Variants in COL6A6 observed in about 807,000 individuals in gnomAD.
The protein encoded by COL6A6 is collagen alpha-6(VI) chain.
COL6A6 carries 183 observed loss-of-function variants against 208.6 expected under a neutral mutation model. That is an observed-to-expected ratio of 0.88 (90% confidence interval 0.78 to 0.99). COL6A6 has a LOEUF of 0.99. Ranked by LOEUF, COL6A6 falls within the 50% of genes least tolerant of loss-of-function variation. The probability of loss-of-function intolerance (pLI) is 0.00; values close to 1 mark genes in which losing one functional copy is unlikely to be tolerated. For synonymous variants in COL6A6, 973 were observed against 1,011.8 expected, an observed-to-expected ratio of 0.96 and a Z score of 0.73; for missense variants, 2,816 against 2,815.2, an observed-to-expected ratio of 1.00 and a Z score of -0.01.
At chr3:130,620,184 T>C (rs74408763) in intron 23 of COL6A6, among the ~76,000 whole-genome samples, 4,620 of 152,044 alleles carry the variant, frequency 0.03, 257 homozygotes, top group African/African-American at 0.1. Context: ...TGGTGTTCAG[T>C]TGAGTGGTTG....
At chr3:130,609,370 C>T (rs1266492123) in intron 22 of COL6A6, among the ~76,000 whole-genome samples, 4 of 152,134 alleles carry the variant, frequency 2.6e-5, no homozygotes, top group Non-Finnish European at 4.4e-5. Flanking sequence ...AAGAATTGCT[C>T]GAAAGACAGC....
intron 7 of COL6A6, 62 bp from the exon 8 acceptor site, chr3:130,573,894 C>T: frequency 8.1e-7 from 1 of 1,229,484 alleles, no homozygotes; most frequent in Non-Finnish European, 1.2e-6. Flanking sequence ...TGAATTTACT[C>T]TTGGTGGATT....
chr3:130,674,225 G>C (rs375588588), intron 36 of COL6A6, among the ~76,000 whole-genome samples: 1 of 152,090 alleles, frequency 6.6e-6, no homozygotes, highest in South Asian at 2.1e-4. Context: ...AGCTATATGT[G>C]GTTAATTAAA....
intron 1 of COL6A6, among the ~76,000 whole-genome samples, chr3:130,545,676 C>CAA (rs1330813881): frequency 1.3e-5 from 2 of 152,184 alleles, no homozygotes; most frequent in African/African-American, 4.8e-5. Flanking sequence ...AGGCTAGTCT[C>CAA]AAACTCCTGA....
At chr3:130,610,910 T>C (rs987051827) in intron 23 of COL6A6, among the ~76,000 whole-genome samples, 199 bp downstream of exon 23, 2 of 152,026 alleles carry the variant, frequency 1.3e-5, no homozygotes, top group African/African-American at 2.4e-5. Context: ...GACACAGAGG[T>C]AGAAAATCTA....
intron 1 of COL6A6, among the ~76,000 whole-genome samples, chr3:130,552,252 A>G (rs961299551): frequency 6.6e-6 from 1 of 152,150 alleles, no homozygotes; most frequent in Non-Finnish European, 1.5e-5. Context: ...GTCTCCTACT[A>G]TTATTGCGTG....
chr3:130,526,591 C>T (rs965828187), intron 1 of COL6A6, among the ~76,000 whole-genome samples: 11 of 152,082 alleles, frequency 7.2e-5, no homozygotes, highest in African/African-American at 2.2e-4. Context: ...GCAGTAGTTC[C>T]GCCAAGAAGT....
chr3:130,561,123 A>G (rs1383715009), intron 2 of COL6A6, among the ~76,000 whole-genome samples: 2 of 152,160 alleles, frequency 1.3e-5, no homozygotes, highest in Non-Finnish European at 2.9e-5. Flanking sequence ...TTTTTCCTCC[A>G]TTGTTTCATG....
chr3:130,571,660 GT>G (rs1223461818), intron 7 of COL6A6, among the ~76,000 whole-genome samples: 1 of 151,124 alleles, frequency 6.6e-6, no homozygotes, highest in East Asian at 1.9e-4. Flanking sequence ...TTCAAAAGTT[GT>G]TTTGTTTTGT....
intron 1 of COL6A6, among the ~76,000 whole-genome samples, chr3:130,531,093 C>T (rs975704820): frequency 6.0e-5 from 9 of 149,742 alleles, no homozygotes; most frequent in African/African-American, 1.7e-4. Flanking sequence ...CTCTCTCTGC[C>T]ACTCACACAT....
rs1461496050 is a variant in COL6A6 at position 130,593,109 on chromosome 3, G to A, written c.4416+4G>A. The A allele has an allele frequency of 1.2e-6, 2 of 1,613,488 alleles. No homozygotes were observed. Among genetic ancestry groups the A allele is most frequent in the Non-Finnish European group, 1.7e-6 (2 of 1,179,462 alleles). On this transcript the variant is annotated splice_donor_region_variant and intron_variant, in intron 16 of 36. Coordinates refer to ENST00000358511, the MANE Select transcript of COL6A6 (RefSeq NM_001102608.3). Reference sequence around the variant, plus strand: ...TGACGGATTAAACGGAGAACAGGTAGAGCCTTCTTGTACCATAGAGACCCT... The same window carrying A: ...TGACGGATTAAACGGAGAACAGGTAAAGCCTTCTTGTACCATAGAGACCCT...
intron 20 of COL6A6, among the ~76,000 whole-genome samples, chr3:130,602,835 G>A (rs906248543): frequency 2.6e-5 from 4 of 152,156 alleles, no homozygotes; most frequent in African/African-American, 7.2e-5. Flanking sequence ...GAGGAGTTGG[G>A]TGATTTAAAA....
In COL6A6 at chr3:130,565,600, A is replaced by C. The variant is rs777130542; in HGVS notation, c.1268A>C (p.Glu423Ala). 1.2e-6 allele frequency: 2 copies of C among 1,611,806 alleles called. No homozygotes were observed. Among genetic ancestry groups the C allele is most frequent in the Non-Finnish European group, 1.7e-6 (2 of 1,178,884 alleles). ...GTCTCTGTCTTTTCAGAGAGGACTG[A>C]AACGCTCAAATCTGGTAAGGTCTTC... ...HTVSVFSERT[E>A]TLKSGCVDTE... Residue 423 changes from glutamate to alanine, a missense_variant, in exon 4 of 37, where the codon GAA (glutamate) becomes GCA (alanine). Coordinates refer to ENST00000358511, the MANE Select transcript of COL6A6 (RefSeq NM_001102608.3).
chr3:130,620,145 G>T (rs1337321134), intron 23 of COL6A6, among the ~76,000 whole-genome samples: 2 of 152,114 alleles, frequency 1.3e-5, no homozygotes, highest in South Asian at 4.1e-4. Flanking sequence ...GAGGCTTGCT[G>T]TGTTACTCAG....
At chr3:130,641,531 A>G in intron 28 of COL6A6, 121 bp from the exon 29 acceptor site, 1 of 483,510 alleles carries the variant, frequency 2.1e-6, no homozygotes, top group Non-Finnish European at 3.5e-6. Flanking sequence ...ATTTTCTAAA[A>G]TAAAAGTGAA....
At chr3:130,627,448 A>T (rs780033705) in intron 26 of COL6A6, 79 bp downstream of exon 26, 56 of 1,295,002 alleles carry the variant, frequency 4.3e-5, no homozygotes, top group Non-Finnish European at 6.0e-5. Context: ...TTAAGAGAAA[A>T]AGGGAAGCAG....
rs775730396 is a variant in COL6A6, at chr3:130,560,332, A to G, written c.-31-2A>G. On this transcript the variant is annotated splice_acceptor_variant, in intron 1 of 36. Coordinates refer to ENST00000358511, the MANE Select transcript of COL6A6 (RefSeq NM_001102608.3). LOFTEE classifies it low-confidence loss of function (5UTR_SPLICE). ...AATTTGTTTATATTTTTGCCTTTTC[A>G]GATTTGAAGTTGAAGATTTTTCAGG... The G allele has an allele frequency of 1.9e-6, 3 of 1,574,880 alleles. No individual in the cohort carries two copies. Among genetic ancestry groups the G allele is most frequent in the Non-Finnish European group, 2.6e-6 (3 of 1,154,888 alleles).
intron 24 of COL6A6, 61 bp downstream of exon 24, chr3:130,621,944 A>G: frequency 7.2e-7 from 1 of 1,395,352 alleles, no homozygotes; most frequent in Admixed American, 1.7e-5. Flanking sequence ...AACTGTGTCT[A>G]ATTGTATTAG....
chr3:130,584,885 A>AT (rs1339148083), intron 10 of COL6A6, among the ~76,000 whole-genome samples: 1 of 152,090 alleles, frequency 6.6e-6, no homozygotes, highest in African/African-American at 2.4e-5. Context: ...GAGTGATGGG[A>AT]TTACAGGTGT....
Sources: gnomAD v4.1 joint callset for allele counts (sites outside exome capture counted in the v4.1 genomes callset) on GRCh38, gnomAD v4.1.1 for gene constraint, MANE v1.5 for transcripts, NCBI Gene and HGNC (gene_info 2026-07-23, HGNC 2026-07-21) for gene names.